The following ESRRA variants were observed in gnomAD, a reference collection of about 807,000 sequenced individuals.
ESRRA encodes steroid hormone receptor ERR1.
A neutral mutation model predicts 35.6 loss-of-function variants in ESRRA; 7 were observed. The observed-to-expected ratio is 0.20, with a 90% CI of 0.11 to 0.37. ESRRA has a LOEUF of 0.37. Ranked by LOEUF, ESRRA falls within the 10% of genes least tolerant of loss-of-function variation. The pLI, the probability that ESRRA is intolerant of heterozygous loss-of-function variation, is 1.00. For synonymous variants in ESRRA, 223 were observed against 246.9 expected (o/e 0.90, Z 0.91); for missense variants, 378 against 561.7 (o/e 0.67, Z 3.31).
intron 2 of ESRRA, among the ~76,000 whole-genome samples, chr11:64,311,364 G>GTGGT (rs1342138274): frequency 2.6e-5 from 4 of 151,978 alleles, no homozygotes; most frequent in African/African-American, 9.7e-5. Flanking sequence ...TATTACCGCT[G>GTGGT]TGGTATGTGC....
At chr11:64,314,606 G>C in intron 4 of ESRRA, 135 bp from the exon 5 acceptor site, 1 of 968,400 alleles carries the variant, frequency 1.0e-6, no homozygotes, top group Non-Finnish European at 1.5e-6. Context: ...GACAGTTAGC[G>C]CTCTTCCCTG....
In ESRRA at chr11:64,314,111, G is replaced by A. The variant is rs368025042; in HGVS notation, c.442+44G>A. ...CTGGGCGAGGGCTGGGGGAGTCGGG[G>A]ACCCGGGCCAGGTGGGGGTGAGGCC... On this transcript the variant is annotated intron_variant, in intron 3 of 6. Coordinates refer to ENST00000000442, the MANE Select transcript of ESRRA (RefSeq NM_004451.5). The A allele has an allele frequency of 1.9e-5, 29 of 1,554,458 alleles. No individual in the cohort carries two copies. In the African/African-American group the frequency reaches 3.4e-4, roughly 18 times the overall value.
intron 2 of ESRRA, among the ~76,000 whole-genome samples, chr11:64,308,636 G>A: frequency 6.8e-6 from 1 of 147,932 alleles, no homozygotes; most frequent in Non-Finnish European, 1.5e-5. Context: ...CTAACACGGT[G>A]AAACACTGTC....
intron 2 of ESRRA, among the ~76,000 whole-genome samples, chr11:64,310,936 A>G (rs117445017): frequency 6.6e-6 from 1 of 152,290 alleles, no homozygotes; most frequent in Non-Finnish European, 1.5e-5. Context: ...CCAGCCGGCC[A>G]GGGTGCGGGT....
chr11:64,308,028 A>G (rs2035068413), intron 2 of ESRRA, among the ~76,000 whole-genome samples: 1 of 152,042 alleles, frequency 6.6e-6, no homozygotes, highest in Non-Finnish European at 1.5e-5. Flanking sequence ...AGTAGCTGAG[A>G]CTGCAGGTGT....
chr11:64,312,166 G>C (rs1416519803), intron 2 of ESRRA, among the ~76,000 whole-genome samples: 1 of 142,420 alleles, frequency 7.0e-6, no homozygotes, highest in Non-Finnish European at 1.5e-5. Flanking sequence ...TCGAGATGGA[G>C]TCTCACTGTG....
At chr11:64,312,381 C>T (rs1399923217) in intron 2 of ESRRA, among the ~76,000 whole-genome samples, 1 of 152,128 alleles carries the variant, frequency 6.6e-6, no homozygotes, top group Non-Finnish European at 1.5e-5. Flanking sequence ...CTCAGGTGAT[C>T]CACCCACCTC....
rs369891725 is a variant in ESRRA, at chr11:64,315,157, C to G, written c.899C>G (p.Ala300Gly). The change falls in exon 6 of 7, where the codon GCT (alanine) becomes GGT (glycine). Residue 300 changes from alanine to glycine, a missense_variant. Transcript: ENST00000000442. ...CTGGATGAAGAGGGGGCACGGGCAG[C>G]TGGCCTGGGGGAACTGGGGGCTGCC... ...LVLDEEGARAAGLGELGAALL... is the reference protein window; with the variant it reads ...LVLDEEGARAGGLGELGAALL... 206 of 1,612,898 alleles carry G rather than the reference C, an allele frequency of 1.3e-4. No individual in the cohort carries two copies. The highest frequency in any genetic ancestry group is 1.7e-4 in the Non-Finnish European group (200 of 1,179,994).
rs746811617 is a variant in ESRRA, at chr11:64,314,937, T to G, written c.742+26T>G. 3 of 1,608,440 alleles carry G rather than the reference T, an allele frequency of 1.9e-6. No homozygotes were observed. The African/African-American group carries it at 4.0e-5, about 21-fold the overall frequency. On this transcript the variant is annotated intron_variant, in intron 5 of 6. Coordinates refer to ENST00000000442, the MANE Select transcript of ESRRA (RefSeq NM_004451.5). The stretch of plus-strand genomic sequence containing the variant: ...GTAAAGGGCCCAGGTGACCCGGGGC[T>G]GCCCTGAACGGGCCCGGCTCTGGTG...
At chr11:64,306,417 C>CA (rs1435476249) in intron 1 of ESRRA, 1 of 152,542 alleles carries the variant, frequency 6.6e-6, no homozygotes, top group Non-Finnish European at 1.5e-5. Flanking sequence ...CTGGGACCGG[C>CA]ATGCTGGGGC....
rs749910827 is a variant in ESRRA at position 64,313,972 on chromosome 11, C to T, written c.347C>T (p.Pro116Leu). 5.1e-6 allele frequency: 8 copies of T among 1,579,866 alleles called. No homozygotes were observed. Among genetic ancestry groups the T allele is most frequent in the African/African-American group, 1.3e-5 (1 of 74,202 alleles). The change falls in exon 3 of 7, where the codon CCG becomes CTG. Residue 116 changes from proline to leucine, a missense_variant. Coordinates refer to ENST00000000442, the MANE Select transcript of ESRRA (RefSeq NM_004451.5). This position sits in a 1 kb window ranked among gnomAD's most constrained non-coding sequence, Gnocchi z 4.0. ...TIQGSIEYSC[P>L]ASNECEITKR... is the part of the protein sequence containing the mutation. ...GCAGGGAGCATCGAGTACAGCTGTCCGGCCTCCAACGAGTGTGAGATCACC... is the reference window on the plus strand; with the variant it reads ...GCAGGGAGCATCGAGTACAGCTGTCTGGCCTCCAACGAGTGTGAGATCACC...
At position 64,307,268 on chromosome 11, in the gene ESRRA, A is replaced by G. The variant is rs752404387; in HGVS notation, c.89A>G (p.Glu30Gly). 6.2e-7 allele frequency: 1 copy of G among 1,613,528 alleles called. No individual in the cohort carries two copies. The highest frequency in any genetic ancestry group is 8.5e-7 in the Non-Finnish European group (1 of 1,179,832). ...PDSPKGSSET[E>G]TEPPVALAPG... ...AGTCCAAAGGGTTCCTCGGAGACAG[A>G]GACCGAGCCTCCTGTGGCCCTGGCC... is the stretch of plus-strand genomic sequence containing the variant. Residue 30 changes from glutamate (E) to glycine (G), a missense_variant, in exon 2 of 7, where the codon GAG becomes GGG. Coordinates refer to ENST00000000442, the MANE Select transcript of ESRRA (RefSeq NM_004451.5).
chr11:64,312,081 C>A (rs1483503907), intron 2 of ESRRA, among the ~76,000 whole-genome samples: 1 of 151,248 alleles, frequency 6.6e-6, no homozygotes, highest in Non-Finnish European at 1.5e-5. Flanking sequence ...CGGGTTCAAG[C>A]GATTCTCCTG....
Position 64,315,948 on chromosome 11 carries a change from C to T in ESRRA, c.1254C>T (p.Leu418=), listed in dbSNP as rs773376361. ...VPMHKLFLEM[L]EAMMD is the part of the protein sequence containing the mutation. Reference sequence around the variant, plus strand: ...TGCACAAGCTGTTCTTGGAGATGCTCGAGGCCATGATGGACTGAGGCAAGG... The same window carrying T: ...TGCACAAGCTGTTCTTGGAGATGCTTGAGGCCATGATGGACTGAGGCAAGG... Residue 418 remains leucine, a synonymous_variant, in exon 7 of 7, where the codon CTC becomes CTT. Coordinates refer to ENST00000000442, the MANE Select transcript of ESRRA (RefSeq NM_004451.5). The T allele has an allele frequency of 1.6e-5, 26 of 1,576,316 alleles. No individual in the cohort carries two copies. The highest frequency in any genetic ancestry group is 2.3e-4 in the Middle Eastern group (1 of 4,316).
intron 4 of ESRRA, 35 bp from the exon 5 acceptor site, chr11:64,314,706 G>A (rs370394402): frequency 1.4e-4 from 230 of 1,587,072 alleles, no homozygotes; most frequent in Non-Finnish European, 1.9e-4. Context: ...TGACAGATTC[G>A]AGTGCTCCTG....
At chr11:64,315,685 C>G (rs1306168375) in intron 6 of ESRRA, 22 bp from the exon 7 acceptor site, 1 of 1,612,430 alleles carries the variant, frequency 6.2e-7, no homozygotes, top group Non-Finnish European at 8.5e-7. Context: ...CAGGCCAACA[C>G]CACATTCCTC....
At chr11:64,310,258 AC>A (rs2035113758) in intron 2 of ESRRA, among the ~76,000 whole-genome samples, 1 of 143,478 alleles carries the variant, frequency 7.0e-6, no homozygotes, top group South Asian at 2.2e-4. Flanking sequence ...TTTTTTTGAG[AC>A]AGTCTCGTGT....
intron 2 of ESRRA, among the ~76,000 whole-genome samples, chr11:64,310,470 G>A (rs1174734722): frequency 9.3e-5 from 14 of 150,544 alleles, no homozygotes; most frequent in Non-Finnish European, 1.6e-4. Context: ...TCCTGACCTC[G>A]AGATCCACCT....
In ESRRA at chr11:64,315,915, G is replaced by C; in HGVS notation, c.1221G>C (p.Lys407Asn). ...AHFYGVKLEG[K>N]VPMHKLFLEM... is the part of the protein sequence containing the mutation. ...TCTATGGGGTGAAGCTGGAGGGCAA[G>C]GTGCCCATGCACAAGCTGTTCTTGG... Residue 407 changes from lysine to asparagine, a missense_variant, in exon 7 of 7, where the codon AAG becomes AAC. By Grantham distance (94) the Lys-to-Asn change is moderately conservative. Around this residue, in one of 4 missense-constraint regions of ESRRA, gnomAD observed 284 missense variants for 411.7 expected, o/e 0.69. Transcript: ENST00000000442. 1 of 1,602,240 alleles carries C rather than the reference G, an allele frequency of 6.2e-7. No individual in the cohort carries two copies. Among genetic ancestry groups the C allele is most frequent in the African/African-American group, 1.3e-5 (1 of 74,788 alleles).
Sources: allele counts gnomAD v4.1 joint callset (sites outside exome capture counted in the v4.1 genomes callset), GRCh38; gene constraint gnomAD v4.1.1; regional missense constraint gnomAD v4.1.1; non-coding constraint Gnocchi (gnomAD v3.1); transcripts MANE v1.5; gene names NCBI Gene and HGNC (gene_info 2026-07-23, HGNC 2026-07-21).